DLC1: variants seen among roughly 807,000 people sequenced by gnomAD.
The protein encoded by DLC1 is DLC1 Rho GTPase activating protein.
Under a neutral mutation model 140.3 loss-of-function variants are expected in DLC1, and 54 were observed. That is an observed-to-expected ratio of 0.38 (90% CI 0.31 to 0.48). The LOEUF is 0.48. Among genes scored for constraint, DLC1 ranks in the 20% least tolerant of loss-of-function variants. DLC1 has a pLI of 0.96. For synonymous variants in DLC1, 986 were observed against 728.1 expected, an observed-to-expected ratio of 1.35 and a Z score of -5.70; for missense variants, 2,536 against 1,907.0, an observed-to-expected ratio of 1.33 and a Z score of -6.14.
intron 4 of DLC1, among the ~76,000 whole-genome samples, chr8:13,362,917 C>T (rs1379806259): frequency 1.3e-5 from 2 of 152,146 alleles, no homozygotes; most frequent in African/African-American, 4.8e-5. Flanking sequence ...GAGGCCTTTC[C>T]AGACCATCCT....
In DLC1 at chr8:13,466,544, C is replaced by T. The variant is rs569367718; in HGVS notation, c.1023+32505G>A. Among the ~76,000 whole-genome samples the T allele has an allele frequency of 6.9e-4, 105 of 152,250 alleles. 1 individual carries two copies. The South Asian group carries it at 0.021, about 31-fold the overall frequency. ...ATTTCCTGTGGGAGAGATACCTGGT[C>T]ACAGGTCAGATACTTAGATACTAGG... On this transcript the variant is annotated intron_variant, in intron 2 of 17. Coordinates refer to ENST00000276297, the MANE Select transcript of DLC1 (RefSeq NM_182643.3).
At chr8:13,409,645 A>G (rs1837702980) in intron 2 of DLC1, among the ~76,000 whole-genome samples, 1 of 152,110 alleles carries the variant, frequency 6.6e-6, no homozygotes, top group Admixed American at 6.6e-5. Flanking sequence ...GGCTTAACCC[A>G]CTTCTTGCTG....
intron 5 of DLC1, among the ~76,000 whole-genome samples, chr8:13,266,738 T>C (rs1830702818): frequency 6.6e-6 from 1 of 151,904 alleles, no homozygotes; most frequent in Non-Finnish European, 1.5e-5. Flanking sequence ...GAGAAAGACT[T>C]AGTATTAAAA....
At chr8:13,508,491 C>T (rs555418070) in intron 1 of DLC1, among the ~76,000 whole-genome samples, 29 of 150,384 alleles carry the variant, frequency 1.9e-4, no homozygotes, top group Non-Finnish European at 4.0e-4. Flanking sequence ...GATCTGGGCT[C>T]ACTGCAAGCT....
chr8:13,141,535 G>A (rs954144209), intron 5 of DLC1, among the ~76,000 whole-genome samples: 4 of 152,134 alleles, frequency 2.6e-5, no homozygotes, highest in South Asian at 2.1e-4. Context: ...CTAAGGAGAC[G>A]TTTTGTGCTC....
intron 2 of DLC1, among the ~76,000 whole-genome samples, chr8:13,442,288 G>C (rs1808225074): frequency 6.6e-6 from 1 of 152,158 alleles, no homozygotes; most frequent in South Asian, 2.1e-4. Flanking sequence ...CAGGACATAG[G>C]CATGGGCAAG....
intron 1 of DLC1, among the ~76,000 whole-genome samples, chr8:13,557,373 C>T (rs1563439290): frequency 6.6e-6 from 1 of 152,138 alleles, no homozygotes; most frequent in Non-Finnish European, 1.5e-5. Context: ...ATTTGGAAAA[C>T]AGGTTGAGTG....
chr8:13,267,458 C>A (rs181233939), intron 5 of DLC1, among the ~76,000 whole-genome samples: 17 of 151,984 alleles, frequency 1.1e-4, no homozygotes, highest in African/African-American at 4.1e-4. Context: ...TCCTGCTATT[C>A]AAAACTAGAT....
chr8:13,526,191 A>G (rs908745601), intron 1 of DLC1, among the ~76,000 whole-genome samples: 2 of 152,190 alleles, frequency 1.3e-5, no homozygotes, highest in Non-Finnish European at 2.9e-5. Context: ...ATCGCATACA[A>G]TACCACACTG....
intron 5 of DLC1, among the ~76,000 whole-genome samples, chr8:13,155,597 G>C (rs568134019): frequency 6.6e-6 from 1 of 151,972 alleles, no homozygotes; most frequent in Non-Finnish European, 1.5e-5. Flanking sequence ...TCTAATATTT[G>C]ATAAGTTCCC....
At chr8:13,377,521 A>G (rs770042504) in intron 4 of DLC1, among the ~76,000 whole-genome samples, 1 of 152,160 alleles carries the variant, frequency 6.6e-6, no homozygotes, top group Non-Finnish European at 1.5e-5. Context: ...GTAGAAATGA[A>G]AACAGCAAAT....
intron 1 of DLC1, among the ~76,000 whole-genome samples, chr8:13,536,956 G>A (rs2117320299): frequency 6.6e-6 from 1 of 152,104 alleles, no homozygotes; most frequent in Middle Eastern, 3.4e-3. Context: ...TAGAGACCAG[G>A]GAATTTTATG....
intron 2 of DLC1, among the ~76,000 whole-genome samples, chr8:13,468,602 T>C (rs150103931): frequency 4.1e-4 from 63 of 151,910 alleles, no homozygotes; most frequent in African/African-American, 1.2e-3. Flanking sequence ...CTTAAATCCC[T>C]GGCTTCAAGC....
chr8:13,157,767 G>T (rs145333828), intron 5 of DLC1, among the ~76,000 whole-genome samples: 1 of 152,142 alleles, frequency 6.6e-6, no homozygotes, highest in African/African-American at 2.4e-5. Context: ...ACTCTGCATG[G>T]AAACTTAGCT....
At chr8:13,267,319 C>A (rs1830726778) in intron 5 of DLC1, among the ~76,000 whole-genome samples, 2 of 145,378 alleles carry the variant, frequency 1.4e-5, no homozygotes, top group Non-Finnish European at 3.0e-5. Flanking sequence ...TCTAGTTTAG[C>A]TTTTTTTTTT....
At chr8:13,570,411 C>T (rs1804608813) in intron 1 of DLC1, among the ~76,000 whole-genome samples, 1 of 147,806 alleles carries the variant, frequency 6.8e-6, no homozygotes, top group African/African-American at 2.5e-5. Context: ...CGTCATCTAG[C>T]ATTAGGTATA....
chr8:13,520,314 C>T (rs1457032338), intron 1 of DLC1, among the ~76,000 whole-genome samples: 1 of 152,130 alleles, frequency 6.6e-6, no homozygotes, highest in Non-Finnish European at 1.5e-5. Flanking sequence ...AGAGTTCATG[C>T]CCTTTGCAGG....
rs1443410747 is a variant in DLC1 at position 13,100,739 on chromosome 8, G to A, written c.1598C>T (p.Ala533Val). 6.3e-7 allele frequency: 1 copy of A among 1,593,692 alleles called. No individual in the cohort carries two copies. The highest frequency in any genetic ancestry group is 1.1e-5 in the South Asian group (1 of 87,582). The change falls in exon 9 of 18, where the codon GCC becomes GTC. Residue 533 changes from alanine to valine, a missense_variant. Physicochemically the swap from Ala to Val is moderately conservative, Grantham distance 64. Transcript: ENST00000276297. ...SDDSDEDEPC[A>V]ISGKWTFQRD... ...TTGGAAAGTCCATTTGCCACTGATG[G>A]CACAAGGCTCATCCTCGTCTGAATC...
intron 1 of DLC1, among the ~76,000 whole-genome samples, chr8:13,537,728 A>G (rs1472716006): frequency 1.5e-5 from 2 of 134,342 alleles, no homozygotes; most frequent in Non-Finnish European, 3.0e-5. Flanking sequence ...ATCTCGGCTC[A>G]CTGCAAGCTC....
Sources: gnomAD v4.1 joint callset for allele counts (sites outside exome capture counted in the v4.1 genomes callset) on GRCh38, gnomAD v4.1.1 for gene constraint, MANE v1.5 for transcripts, NCBI Gene and HGNC (gene_info 2026-07-23, HGNC 2026-07-21) for gene names.